The following PCDH15 variants were observed in gnomAD, a reference collection of about 807,000 sequenced individuals.
The protein encoded by PCDH15 is protocadherin related 15.
Under a neutral mutation model 178.5 loss-of-function variants are expected in PCDH15, and 129 were observed. The observed-to-expected ratio is 0.72, with a 90% CI of 0.63 to 0.84. The LOEUF (loss-of-function observed/expected upper bound fraction) is 0.84, where lower values mean the gene tolerates loss of function less well. Among genes scored for constraint, PCDH15 ranks in the 40% least tolerant of loss-of-function variants. The pLI, the probability that PCDH15 is intolerant of heterozygous loss-of-function variation, is 0.00. For synonymous variants in PCDH15, 800 were observed against 732.0 expected, an observed-to-expected ratio of 1.09 and a Z score of -1.50; for missense variants, 2,230 against 2,099.9, an observed-to-expected ratio of 1.06 and a Z score of -1.21.
intron 2 of PCDH15, among the ~76,000 whole-genome samples, chr10:54,605,211 C>G (rs573604078): frequency 2.0e-5 from 3 of 151,898 alleles, no homozygotes; most frequent in Non-Finnish European, 2.9e-5. Flanking sequence ...TTATTTGCCT[C>G]TATAAATTTA....
intron 2 of PCDH15, among the ~76,000 whole-genome samples, chr10:54,625,421 C>A: frequency 6.6e-6 from 1 of 152,172 alleles, no homozygotes; most frequent in East Asian, 1.9e-4. Flanking sequence ...CATCTTGTAG[C>A]TTCCATAATT....
At chr10:54,288,555 G>A (rs910803375) in intron 8 of PCDH15, among the ~76,000 whole-genome samples, 1 of 152,156 alleles carries the variant, frequency 6.6e-6, no homozygotes, top group Non-Finnish European at 1.5e-5. Flanking sequence ...ACAGCAGGGT[G>A]GGGTGTCACC....
At chr10:54,560,136 C>A (rs1590113122) in intron 2 of PCDH15, among the ~76,000 whole-genome samples, 1 of 151,996 alleles carries the variant, frequency 6.6e-6, no homozygotes, top group South Asian at 2.1e-4. Context: ...GTAGAAATGA[C>A]CTTCTCTAGG....
At chr10:54,367,615 C>T (rs368542712) in intron 5 of PCDH15, among the ~76,000 whole-genome samples, 1 of 151,738 alleles carries the variant, frequency 6.6e-6, no homozygotes. Flanking sequence ...ATGAGAACAC[C>T]TGGACACAGG....
At chr10:54,777,139 T>C (rs781234526) in intron 1 of PCDH15, among the ~76,000 whole-genome samples, 2 of 152,168 alleles carry the variant, frequency 1.3e-5, no homozygotes, top group African/African-American at 4.8e-5. Flanking sequence ...GTATTTACGA[T>C]GAGTAAGGTG....
chr10:55,342,708 G>T (rs557325174), intron 2 of PCDH15, among the ~76,000 whole-genome samples: 2 of 152,142 alleles, frequency 1.3e-5, no homozygotes, highest in South Asian at 4.1e-4. Context: ...AAAATATGAT[G>T]GACTCCTTAA....
At chr10:53,984,133 TTTC>T (rs1388343607) in intron 21 of PCDH15, among the ~76,000 whole-genome samples, 3,327 of 100,286 alleles carry the variant, frequency 0.033, 170 homozygotes, top group African/African-American at 0.11. Flanking sequence ...TTTTTTTTTT[TTTC>T]TTTTTTCTTT....
chr10:54,200,978 G>A (rs376932521), intron 10 of PCDH15, among the ~76,000 whole-genome samples: 6 of 152,118 alleles, frequency 3.9e-5, no homozygotes, highest in East Asian at 3.9e-4. Flanking sequence ...GTAACACTGC[G>A]TAAGTATCTA....
intron 14 of PCDH15, among the ~76,000 whole-genome samples, chr10:54,150,022 A>T (rs1315811854): frequency 6.6e-6 from 1 of 152,038 alleles, no homozygotes; most frequent in African/African-American, 2.4e-5. Flanking sequence ...CTCTTATTGG[A>T]TATAAAGTCA....
chr10:54,751,250 T>C (rs902391030), intron 1 of PCDH15, among the ~76,000 whole-genome samples: 2 of 152,150 alleles, frequency 1.3e-5, no homozygotes, highest in African/African-American at 2.4e-5. Flanking sequence ...TGTTGAAGAA[T>C]TAAAACTGAG....
intron 1 of PCDH15, among the ~76,000 whole-genome samples, chr10:55,221,213 G>C (rs1377670974): frequency 2.0e-5 from 3 of 152,064 alleles, no homozygotes; most frequent in African/African-American, 7.3e-5. Context: ...GGCAAAATTA[G>C]TCTATGGTGA....
chr10:53,947,824 G>T (rs1273603364), intron 23 of PCDH15, among the ~76,000 whole-genome samples: 4 of 152,122 alleles, frequency 2.6e-5, no homozygotes, highest in Non-Finnish European at 4.4e-5. Context: ...GTTCCTTAAA[G>T]AATCTTCATC....
chr10:55,266,428 T>C (rs1244585779), intron 1 of PCDH15, among the ~76,000 whole-genome samples: 1 of 152,074 alleles, frequency 6.6e-6, no homozygotes, highest in African/African-American at 2.4e-5. Flanking sequence ...AGGGGGGAGA[T>C]GACACAGGAG....
intron 2 of PCDH15, among the ~76,000 whole-genome samples, chr10:54,913,555 G>A (rs1307268372): frequency 3.9e-5 from 6 of 152,328 alleles, no homozygotes; most frequent in African/African-American, 1.4e-4. Context: ...GCCACACACA[G>A]AGTTCACATT....
At position 53,822,756 on chromosome 10, in the gene PCDH15, G is replaced by GA. The variant is rs764982207; in HGVS notation, c.4368-2527dup. 4 of 1,614,026 alleles carry GA rather than the reference G, an allele frequency of 2.5e-6. No homozygotes were observed. The South Asian group carries it at 4.4e-5, about 18-fold the overall frequency. On this transcript the variant is annotated intron_variant, in intron 32 of 37. Coordinates refer to ENST00000644397, the MANE Select transcript of PCDH15 (RefSeq NM_001384140.1). ...GGGAAAGCAAAATGAAGAGTCTGAA[G>GA]AGAGAGATTTCAACTGTTCTGTTCC... is the stretch of plus-strand genomic sequence containing the variant.
intron 3 of PCDH15, among the ~76,000 whole-genome samples, chr10:54,863,156 T>C (rs568232880): frequency 1.1e-4 from 16 of 152,314 alleles, no homozygotes; most frequent in African/African-American, 3.8e-4. Context: ...TGATGTTCTA[T>C]GATTAATTTT....
intron 1 of PCDH15, among the ~76,000 whole-genome samples, chr10:54,709,040 T>C (rs1223428831): frequency 6.6e-6 from 1 of 152,104 alleles, no homozygotes; most frequent in African/African-American, 2.4e-5. Flanking sequence ...TAATTCAAGA[T>C]TGACTATCAA....
In PCDH15 at chr10:53,928,987, C is replaced by A. The variant is rs192582740; in HGVS notation, c.3373+9828G>T. Among the ~76,000 whole-genome samples the A allele has an allele frequency of 1.1e-3, 170 of 152,046 alleles. 1 individual carries two copies. The highest frequency in any genetic ancestry group is 4.1e-3 in the African/African-American group (169 of 41,516). The stretch of plus-strand genomic sequence containing the variant: ...AAGAAGGAGAACTATTTTATGCATT[C>A]CTAGATTCTTAAATATTTTAATTTT... On this transcript the variant is annotated intron_variant, in intron 25 of 37. Coordinates refer to ENST00000644397, the MANE Select transcript of PCDH15 (RefSeq NM_001384140.1).
At chr10:54,301,530 G>C (rs1591676378) in intron 8 of PCDH15, among the ~76,000 whole-genome samples, 1 of 152,068 alleles carries the variant, frequency 6.6e-6, no homozygotes, top group Non-Finnish European at 1.5e-5. Flanking sequence ...GAGTTGAAAA[G>C]AAGTACAATC....
Sources: allele counts gnomAD v4.1 joint callset (sites outside exome capture counted in the v4.1 genomes callset), GRCh38; gene constraint gnomAD v4.1.1; transcripts MANE v1.5; gene names NCBI Gene and HGNC (gene_info 2026-07-23, HGNC 2026-07-21).